The following ADAM18 variants were observed in gnomAD, a reference collection of about 807,000 sequenced individuals.
ADAM18 encodes the protein ADAM metallopeptidase domain 18, also known as disintegrin and metalloproteinase domain-containing protein 18.
ADAM18 carries 117 observed loss-of-function variants against 94.4 expected under a neutral mutation model. That is an observed-to-expected ratio of 1.24 (90% CI 1.07 to 1.45). The LOEUF (loss-of-function observed/expected upper bound fraction) is 1.45, where lower values mean the gene tolerates loss of function less well. Among genes scored for constraint, ADAM18 ranks in the 40% most tolerant of loss-of-function variants. The pLI, the probability that ADAM18 is intolerant of heterozygous loss-of-function variation, is 0.00. For synonymous variants in ADAM18, 327 were observed against 291.6 expected (o/e 1.12, Z -1.24); for missense variants, 936 against 880.0 (o/e 1.06, Z -0.81).
At position 39,645,494 on chromosome 8, in the gene ADAM18, A is replaced by G; in HGVS notation, c.1046+20A>G. 2 of 1,585,454 alleles carry G rather than the reference A, an allele frequency of 1.3e-6. No individual in the cohort carries two copies. Among genetic ancestry groups the G allele is most frequent in the Non-Finnish European group, 8.5e-7 (1 of 1,170,084 alleles). On this transcript the variant is annotated intron_variant, in intron 11 of 19. Coordinates refer to ENST00000265707, the MANE Select transcript of ADAM18 (RefSeq NM_014237.3). The stretch of plus-strand genomic sequence containing the variant: ...AGCAGTGTAAGATGTTTTCTTAATT[A>G]ATTTCATTTATATTTTTATAAGGTT...
rs141450945 is a variant in ADAM18 at position 39,606,314 on chromosome 8, A to G, written c.140A>G (p.Tyr47Cys). ...DSEVSERKMI[Y>C]IITIDGQPYT... ...TGATGTGTTTTATTTTAGATGATTT[A>G]CATCATTACAATTGATGGACAACCT... Residue 47 changes from tyrosine to cysteine, a missense_variant, in exon 3 of 20, where the codon TAC becomes TGC. Coordinates refer to ENST00000265707, the MANE Select transcript of ADAM18 (RefSeq NM_014237.3). 4 of 1,542,122 alleles carry G rather than the reference A, an allele frequency of 2.6e-6. No homozygotes were observed. Among genetic ancestry groups the G allele is most frequent in the African/African-American group, 2.8e-5 (2 of 72,036 alleles).
chr8:39,633,092 G>T (rs1171285338), intron 7 of ADAM18, among the ~76,000 whole-genome samples: 9 of 152,110 alleles, frequency 5.9e-5, no homozygotes, highest in African/African-American at 1.9e-4. Flanking sequence ...ATAGCAAAAA[G>T]GTCCTCACCA....
chr8:39,723,309 G>A (rs1822811660), intron 18 of ADAM18, among the ~76,000 whole-genome samples: 1 of 151,476 alleles, frequency 6.6e-6, no homozygotes, highest in African/African-American at 2.4e-5. Flanking sequence ...GTATAAGTAT[G>A]AATTTTGTTT....
rs185563257 is a variant in ADAM18 at position 39,677,284 on chromosome 8, T to C, written c.1526-147T>C. On this transcript the variant is annotated intron_variant, in intron 14 of 19. Coordinates refer to ENST00000265707, the MANE Select transcript of ADAM18 (RefSeq NM_014237.3). ...GTAAGATAAGACAATTATTTCTTTC[T>C]ACTTGCATTGACAGGGTATGCATAG... 4.8e-4 allele frequency: 280 copies of C among 584,220 alleles called. 2 individuals carry two copies. Among genetic ancestry groups the C allele is most frequent in the Admixed American group, 1.6e-3 (42 of 26,780 alleles). 36.2% of individuals were successfully genotyped at this position (584,220 alleles called of 1,614,324 possible). A position where few individuals can be genotyped will look rare whatever the true frequency, so the allele number is the denominator to read the frequency against.
intron 18 of ADAM18, among the ~76,000 whole-genome samples, chr8:39,721,340 T>C (rs1466953738): frequency 6.6e-6 from 1 of 151,414 alleles, no homozygotes; most frequent in Non-Finnish European, 1.5e-5. Flanking sequence ...TTCTGGACAT[T>C]GGTATAGGCA....
At chr8:39,679,805 C>A (rs762019888) in intron 15 of ADAM18, among the ~76,000 whole-genome samples, 18 of 152,116 alleles carry the variant, frequency 1.2e-4, no homozygotes, top group Non-Finnish European at 2.1e-4. Flanking sequence ...AAATTGGGCT[C>A]TATAATGGGA....
At chr8:39,650,960 T>C (rs571838686) in intron 12 of ADAM18, among the ~76,000 whole-genome samples, 80 of 152,258 alleles carry the variant, frequency 5.3e-4, no homozygotes, top group Middle Eastern at 3.4e-3. Context: ...GTCTCTGAGT[T>C]CCCTCAGTAT....
chr8:39,637,017 TTTTATATATATATATATATATA>T (rs1193484406), intron 7 of ADAM18, among the ~76,000 whole-genome samples: 2 of 84,780 alleles, frequency 2.4e-5, no homozygotes, highest in African/African-American at 7.5e-5. Context: ...CATGTGTGTA[TTTTATATATATATATATATATA>T]TATATATATA....
intron 2 of ADAM18, among the ~76,000 whole-genome samples, chr8:39,591,651 A>G (rs1818572863): frequency 6.6e-6 from 1 of 152,176 alleles, no homozygotes; most frequent in South Asian, 2.1e-4. Context: ...TGAATCCCTC[A>G]AAGTCATTCA....
chr8:39,632,708 A>C (rs1681757880), intron 7 of ADAM18, among the ~76,000 whole-genome samples: 2 of 151,368 alleles, frequency 1.3e-5, no homozygotes, highest in African/African-American at 4.9e-5. Context: ...AGTCTCTTCG[A>C]GAATTTAGAT....
intron 14 of ADAM18, among the ~76,000 whole-genome samples, chr8:39,675,671 C>T (rs974633634): frequency 6.6e-6 from 1 of 152,178 alleles, no homozygotes; most frequent in Non-Finnish European, 1.5e-5. Flanking sequence ...CCGTTGCTGG[C>T]GAGGAGCTGT....
In ADAM18 at chr8:39,694,854, C is replaced by T. The variant is rs980335618; in HGVS notation, c.1902+2174C>T. On this transcript the variant is annotated intron_variant, in intron 17 of 19. Transcript: ENST00000265707. ...AAATATATAGGTCTTTCAAAATATG[C>T]GTCTTAAAAAATATATGTGTCTTAA... Among the ~76,000 whole-genome samples the T allele has an allele frequency of 5.3e-5, 8 of 151,472 alleles. No homozygotes were observed. The East Asian group carries it at 7.7e-4, about 15-fold the overall frequency.
chr8:39,708,214 A>T (rs1445897596), intron 18 of ADAM18, among the ~76,000 whole-genome samples: 1 of 152,218 alleles, frequency 6.6e-6, no homozygotes, highest in Non-Finnish European at 1.5e-5. Context: ...TGCAACCAAA[A>T]CTGTAGATAA....
At chr8:39,585,214 C>CT in intron 1 of ADAM18, 62 bp from the exon 2 acceptor site, 2 of 1,387,108 alleles carry the variant, frequency 1.4e-6, no homozygotes, top group Non-Finnish European at 2.0e-6. Flanking sequence ...AGAACCCGTG[C>CT]TTGACTGAGA....
chr8:39,609,474 C>T lies in ADAM18; in HGVS notation c.268-11C>T, dbSNP rs1172009898. The T allele has an allele frequency of 6.2e-7, 1 of 1,603,596 alleles. No individual in the cohort carries two copies. The highest frequency in any genetic ancestry group is 1.3e-5 in the African/African-American group (1 of 74,716). ...GAATTTATATACTTGCCTTTCTATA[C>T]TGTTTTTCAGATGCATTGCCATTAC... On this transcript the variant is annotated splice_polypyrimidine_tract_variant and intron_variant, in intron 4 of 19. Transcript: ENST00000265707.
At chr8:39,624,107 CTGTT>C (rs1221841002) in intron 6 of ADAM18, among the ~76,000 whole-genome samples, 2 of 152,048 alleles carry the variant, frequency 1.3e-5, no homozygotes, top group Non-Finnish European at 2.9e-5. Flanking sequence ...TTTAGGTTGT[CTGTT>C]TGTTCTGATG....
intron 6 of ADAM18, among the ~76,000 whole-genome samples, chr8:39,614,957 C>A (rs1819395311): frequency 6.6e-6 from 1 of 152,146 alleles, no homozygotes. Context: ...ATTCATAAAG[C>A]AAGTTCTTGG....
chr8:39,692,749 G>A (rs1344047260), intron 17 of ADAM18, 69 bp downstream of exon 17: 23 of 1,287,580 alleles, frequency 1.8e-5, no homozygotes, highest in Non-Finnish European at 2.3e-5. Context: ...CTGTTTATGA[G>A]GATTGAGAGT....
intron 6 of ADAM18, among the ~76,000 whole-genome samples, chr8:39,612,289 T>A (rs1819301926): frequency 6.6e-6 from 1 of 152,130 alleles, no homozygotes; most frequent in Non-Finnish European, 1.5e-5. Context: ...ATGTAGACCC[T>A]GTGCTGAATG....
Sources: allele counts gnomAD v4.1 joint callset (sites outside exome capture counted in the v4.1 genomes callset), GRCh38; gene constraint gnomAD v4.1.1; transcripts MANE v1.5; gene names NCBI Gene and HGNC (gene_info 2026-07-23, HGNC 2026-07-21).